The following ACVR2A variants were observed in gnomAD, a reference collection of about 807,000 sequenced individuals.
ACVR2A encodes activin A receptor type 2A.
A neutral mutation model predicts 61.4 loss-of-function variants in ACVR2A; 7 were observed. The ratio of observed to expected loss-of-function variants is 0.11; its 90% CI spans 0.06 to 0.21. The LOEUF (loss-of-function observed/expected upper bound fraction) is 0.21. Ranked by LOEUF, ACVR2A falls within the 10% of genes least tolerant of loss-of-function variation. ACVR2A has a pLI of 1.00. For synonymous variants in ACVR2A, 193 were observed against 208.3 expected (o/e 0.93, Z 0.63); for missense variants, 322 against 621.7 (o/e 0.52, Z 5.13).
chr2:147,915,363 C>A, intron 5 of ACVR2A, 29 bp downstream of exon 5: 1 of 1,609,216 alleles, frequency 6.2e-7, no homozygotes, highest in Non-Finnish European at 8.5e-7. Flanking sequence ...TGTCATCTTA[C>A]ATACATGTTT....
chr2:147,851,424 G>A (rs1685447683), intron 1 of ACVR2A, among the ~76,000 whole-genome samples: 1 of 152,118 alleles, frequency 6.6e-6, no homozygotes. Context: ...CTACCTCAGA[G>A]AGTGGTTTGA....
At position 147,863,555 on chromosome 2, in the gene ACVR2A, A is replaced by G. The variant is rs530219786; in HGVS notation, c.55+18348A>G. 5.9e-5 allele frequency among the ~76,000 whole-genome samples: 9 copies of G among 152,344 alleles called. No individual in the cohort carries two copies. The South Asian group carries it at 1.9e-3, about 32-fold the overall frequency. On this transcript the variant is annotated intron_variant, in intron 1 of 10. Transcript: ENST00000241416. The stretch of plus-strand genomic sequence containing the variant: ...TGTTATATGTGTTACACATATACAT[A>G]CTATTTTGTATGTTTTATTGTATTC...
At chr2:147,864,616 T>C (rs1254649865) in intron 1 of ACVR2A, among the ~76,000 whole-genome samples, 1 of 152,124 alleles carries the variant, frequency 6.6e-6, no homozygotes, top group Non-Finnish European at 1.5e-5. Flanking sequence ...CTTATCTGTG[T>C]TTTTTAGGCT....
intron 1 of ACVR2A, among the ~76,000 whole-genome samples, chr2:147,867,176 G>A (rs1289193947): frequency 6.6e-6 from 1 of 152,114 alleles, no homozygotes; most frequent in East Asian, 1.9e-4. Flanking sequence ...GTAAAGTGGT[G>A]GAGACAAAAT....
At chr2:147,921,028 A>T (rs1368476012) in intron 8 of ACVR2A, among the ~76,000 whole-genome samples, 2 of 151,896 alleles carry the variant, frequency 1.3e-5, no homozygotes, top group African/African-American at 4.8e-5. Context: ...ATCACCTTTT[A>T]TTTTTATTTA....
At chr2:147,885,486 C>G (rs1246940421) in intron 1 of ACVR2A, among the ~76,000 whole-genome samples, 1 of 151,990 alleles carries the variant, frequency 6.6e-6, no homozygotes, top group Admixed American at 6.6e-5. Flanking sequence ...GTGAAAAAAG[C>G]CTTTACAATC....
rs149250691 is a variant in ACVR2A at position 147,868,860 on chromosome 2, A to T, written c.55+23653A>T. Among the ~76,000 whole-genome samples the T allele has an allele frequency of 4.3e-3, 655 of 152,120 alleles. 2 individuals are homozygous for T. The highest frequency in any genetic ancestry group is 8.3e-3 in the East Asian group (43 of 5,176). ...GTTGCCCAGGCTGGTCTCCACCTCC[A>T]GGGCTCAAGCAGTTCTCCTGTCTTG... On this transcript the variant is annotated intron_variant, in intron 1 of 10. Coordinates refer to ENST00000241416, the MANE Select transcript of ACVR2A (RefSeq NM_001616.5).
At chr2:147,879,374 G>A (rs1223225510) in intron 1 of ACVR2A, among the ~76,000 whole-genome samples, 1 of 152,110 alleles carries the variant, frequency 6.6e-6, no homozygotes, top group Non-Finnish European at 1.5e-5. Context: ...TTTTATAATG[G>A]CATTAATCTG....
intron 2 of ACVR2A, 103 bp from the exon 3 acceptor site, chr2:147,899,355 A>C (rs1369724483): frequency 2.7e-6 from 2 of 742,772 alleles, no homozygotes; most frequent in Admixed American, 3.4e-5. Context: ...TTGAAGTTGA[A>C]TATAAATGAC....
At chr2:147,862,495 G>A (rs989648781) in intron 1 of ACVR2A, among the ~76,000 whole-genome samples, 1 of 152,158 alleles carries the variant, frequency 6.6e-6, no homozygotes, top group Non-Finnish European at 1.5e-5. Context: ...TGTAATCCCA[G>A]CACTTTGGGA....
At chr2:147,893,643 G>A (rs1686646095) in intron 1 of ACVR2A, among the ~76,000 whole-genome samples, 1 of 152,090 alleles carries the variant, frequency 6.6e-6, no homozygotes, top group African/African-American at 2.4e-5. Flanking sequence ...ATATTGGGTA[G>A]CTTTTTTCAA....
chr2:147,918,128 T>C (rs1401876637), intron 6 of ACVR2A, among the ~76,000 whole-genome samples: 1 of 151,762 alleles, frequency 6.6e-6, no homozygotes, highest in African/African-American at 2.4e-5. Flanking sequence ...ATTTTAACTT[T>C]TAAAATATTT....
At chr2:147,861,395 T>C (rs1685724646) in intron 1 of ACVR2A, among the ~76,000 whole-genome samples, 2 of 152,220 alleles carry the variant, frequency 1.3e-5, no homozygotes, top group South Asian at 4.1e-4. Flanking sequence ...CAGGGAAGAA[T>C]ACTAATATTT....
At chr2:147,853,732 A>G (rs992082290) in intron 1 of ACVR2A, among the ~76,000 whole-genome samples, 2 of 152,132 alleles carry the variant, frequency 1.3e-5, no homozygotes, top group African/African-American at 4.8e-5. Context: ...AAGTAAGCCT[A>G]TTTATAAAGC....
At chr2:147,873,924 T>C (rs1686090470) in intron 1 of ACVR2A, among the ~76,000 whole-genome samples, 1 of 151,894 alleles carries the variant, frequency 6.6e-6, no homozygotes, top group Admixed American at 6.6e-5. Context: ...GCCATTGAGA[T>C]CAGCAGATAA....
chr2:147,898,787 A>T (rs1019601705), intron 2 of ACVR2A, among the ~76,000 whole-genome samples: 1 of 152,034 alleles, frequency 6.6e-6, no homozygotes, highest in African/African-American at 2.4e-5. Flanking sequence ...GTTTAATTCT[A>T]ATCCGTTTGA....
intron 9 of ACVR2A, 143 bp downstream of exon 9, chr2:147,923,254 G>A: frequency 1.1e-6 from 1 of 875,712 alleles, no homozygotes; most frequent in Admixed American, 3.0e-5. Flanking sequence ...CAGGAGGCAG[G>A]GGAGCAGTGG....
chr2:147,912,952 A>G (rs1233073749), intron 4 of ACVR2A, among the ~76,000 whole-genome samples: 1 of 151,850 alleles, frequency 6.6e-6, no homozygotes, highest in Non-Finnish European at 1.5e-5. Flanking sequence ...GGCTGTTACT[A>G]TACAATATTG....
At chr2:147,882,702 G>C (rs1045943530) in intron 1 of ACVR2A, among the ~76,000 whole-genome samples, 1 of 152,160 alleles carries the variant, frequency 6.6e-6, no homozygotes, top group Non-Finnish European at 1.5e-5. Context: ...TTCTGTGCTA[G>C]TTGTGCTTTT....
Sources: gnomAD v4.1 joint callset for allele counts (sites outside exome capture counted in the v4.1 genomes callset) on GRCh38, gnomAD v4.1.1 for gene constraint, MANE v1.5 for transcripts, NCBI Gene and HGNC (gene_info 2026-07-23, HGNC 2026-07-21) for gene names.